Variants in ABCA4 observed in about 807,000 individuals in gnomAD.
ABCA4 encodes ATP binding cassette subfamily A member 4.
Under a neutral mutation model 263.7 loss-of-function variants are expected in ABCA4, and 196 were observed. That is an observed-to-expected ratio of 0.74 (90% confidence interval 0.66 to 0.84). The LOEUF is 0.84. Ranked by LOEUF, ABCA4 falls within the 40% of genes least tolerant of loss-of-function variation. ABCA4 has a pLI of 0.00. For synonymous variants in ABCA4, 1,133 were observed against 1,094.2 expected, an observed-to-expected ratio of 1.04 and a Z score of -0.70; for missense variants, 2,792 against 2,855.1, an observed-to-expected ratio of 0.98 and a Z score of 0.50.
At chr1:94,036,537 T>C (rs906442971) in intron 26 of ABCA4, among the ~76,000 whole-genome samples, 1 of 151,916 alleles carries the variant, frequency 6.6e-6, no homozygotes, top group Non-Finnish European at 1.5e-5. Context: ...CCACCACACC[T>C]AGCTAATTTT....
rs751319688 is a variant in ABCA4 at position 94,023,385 on chromosome 1, C to T, written c.4667+1G>A. The stretch of plus-strand genomic sequence containing the variant: ...TAATTCTGATAAAAATAGTTTCTTA[C>T]CTCTGTTCATTGACCCAGAATTTGC... On this transcript the variant is annotated splice_donor_variant, in intron 32 of 49. Transcript: ENST00000370225. LOFTEE classifies it high-confidence loss of function. 6.2e-7 allele frequency: 1 copy of T among 1,605,556 alleles called. No individual in the cohort carries two copies. The highest frequency in any genetic ancestry group is 8.5e-7 in the Non-Finnish European group (1 of 1,172,520).
At position 94,055,274 on chromosome 1, in the gene ABCA4, G is replaced by C. The variant is rs1660944269; in HGVS notation, c.2424C>G (p.Tyr808Ter). The C allele has an allele frequency of 6.2e-7, 1 of 1,614,146 alleles. No individual in the cohort carries two copies. The change falls in exon 16 of 50, where the codon TAC (tyrosine) becomes TAG (stop). Residue 808 changes from tyrosine to a stop codon, truncating the protein, a stop_gained. Coordinates refer to ENST00000370225, the MANE Select transcript of ABCA4 (RefSeq NM_000350.3). LOFTEE classifies it high-confidence loss of function. ...GGCCTTGCTCTTCAAAGCGAACCAG[G>C]TACTCAGTGCCAAATCCAAATGCCA... is the stretch of plus-strand genomic sequence containing the variant. The part of the protein sequence containing the change: ...SPVAFGFGTE[Y>*]LVRFEEQGLG...
At chr1:93,998,838 A>G (rs1006292460) in intron 47 of ABCA4, among the ~76,000 whole-genome samples, 2 of 151,424 alleles carry the variant, frequency 1.3e-5, no homozygotes, top group African/African-American at 4.9e-5. Context: ...TCCTGGGTTC[A>G]AGCAATTCTC....
intron 6 of ABCA4, among the ~76,000 whole-genome samples, chr1:94,087,620 G>A (rs1661866594): frequency 6.6e-6 from 1 of 152,182 alleles, no homozygotes; most frequent in Admixed American, 6.5e-5. Context: ...TGGGGATGAA[G>A]GAGGGAAACA....
intron 30 of ABCA4, among the ~76,000 whole-genome samples, chr1:94,028,301 C>T (rs898908498): frequency 3.9e-5 from 6 of 152,190 alleles, no homozygotes; most frequent in South Asian, 2.1e-4. Flanking sequence ...CAACCACGGA[C>T]ACAGCCTTCT....
intron 40 of ABCA4, among the ~76,000 whole-genome samples, chr1:94,010,160 C>T (rs1659506703): frequency 6.6e-6 from 1 of 152,206 alleles, no homozygotes; most frequent in African/African-American, 2.4e-5. Flanking sequence ...TGCTGCTTGG[C>T]AATTCAGGCC....
chr1:94,034,331 C>T (rs534592861), intron 26 of ABCA4, among the ~76,000 whole-genome samples: 2 of 152,094 alleles, frequency 1.3e-5, no homozygotes, highest in African/African-American at 2.4e-5. Flanking sequence ...TTCTTCTTCC[C>T]GATGCTAGCC....
At chr1:93,998,973 A>G (rs1342292886) in intron 47 of ABCA4, among the ~76,000 whole-genome samples, 1 of 148,686 alleles carries the variant, frequency 6.7e-6, no homozygotes, top group East Asian at 2.0e-4. Context: ...CTGGTCTTAA[A>G]CTCCTGACCT....
At chr1:94,098,397 T>C (rs151203910) in intron 6 of ABCA4, among the ~76,000 whole-genome samples, 20 of 152,304 alleles carry the variant, frequency 1.3e-4, no homozygotes, top group Non-Finnish European at 2.5e-4. Flanking sequence ...CTGTAAAGTA[T>C]TATATTTGTT....
chr1:94,107,559 G>C (rs1662473460), intron 4 of ABCA4, among the ~76,000 whole-genome samples: 1 of 152,300 alleles, frequency 6.6e-6, no homozygotes, highest in South Asian at 2.1e-4. Flanking sequence ...GGGGAGGAGA[G>C]ACACAGGAGA....
At chr1:94,057,350 C>T (rs943861405) in intron 14 of ABCA4, among the ~76,000 whole-genome samples, 2 of 152,210 alleles carry the variant, frequency 1.3e-5, no homozygotes, top group Middle Eastern at 3.4e-3. Context: ...AGCAAATCCT[C>T]GGTGAGAAGA....
At position 94,051,634 on chromosome 1, in the gene ABCA4, T is replaced by A; in HGVS notation, c.2652A>T (p.Glu884Asp). The A allele has an allele frequency of 6.2e-7, 1 of 1,613,360 alleles. No homozygotes were observed. Among genetic ancestry groups the A allele is most frequent in the Non-Finnish European group, 8.5e-7 (1 of 1,179,284 alleles). Residue 884 changes from glutamate to aspartate, a missense_variant and splice_region_variant, in exon 17 of 50, where the codon GAA (glutamate) becomes GAT (aspartate). By Grantham distance (45) the Glu-to-Asp change is conservative. Coordinates refer to ENST00000370225, the MANE Select transcript of ABCA4 (RefSeq NM_000350.3). ...AGATTTGTGTTTTAAAGGACTCACC[T>A]TCACCGCCAAGCCAATACGACTCTT... ...LLQESYWLGGEGCSTREERAL... is the reference protein window; with the variant it reads ...LLQESYWLGGDGCSTREERAL...
intron 13 of ABCA4, 55 bp downstream of exon 13, chr1:94,062,521 CA>C: frequency 4.4e-6 from 7 of 1,588,562 alleles, no homozygotes; most frequent in Non-Finnish European, 5.2e-6. Context: ...CACCCCAGCC[CA>C]CTCCAGCACC....
chr1:94,008,319 G>C (rs1659454207), intron 41 of ABCA4, 22 bp from the exon 42 acceptor site: 1 of 1,612,088 alleles, frequency 6.2e-7, no homozygotes, highest in Non-Finnish European at 8.5e-7. Context: ...GAAGAAACCG[G>C]ACTGAGAACT....
chr1:94,043,238 T>A, intron 21 of ABCA4, 98 bp downstream of exon 21: 1 of 1,556,684 alleles, frequency 6.4e-7, no homozygotes, highest in Non-Finnish European at 8.8e-7. Context: ...TTCCCACCCT[T>A]AGAAGCTCTC....
chr1:93,993,871 C>T (rs528009594), intron 49 of ABCA4, among the ~76,000 whole-genome samples: 8 of 152,036 alleles, frequency 5.3e-5, no homozygotes, highest in Non-Finnish European at 1.0e-4. Flanking sequence ...AACCAATGCC[C>T]GCTGTGGAGC....
chr1:94,079,116 T>C (rs1168959737), intron 9 of ABCA4, among the ~76,000 whole-genome samples: 1 of 151,934 alleles, frequency 6.6e-6, no homozygotes, highest in African/African-American at 2.4e-5. Flanking sequence ...TAGGCTGCAG[T>C]AGAGAGGGGA....
Position 94,000,919 on chromosome 1 carries a change from T to G in ABCA4, c.6396A>C (p.Glu2132Asp). Reference sequence around the variant, plus strand: ...CCAGCCGGGTACACAGTGCCTCACATTCTTCCATGCTGTGGGGCAGGAGAG... The same window carrying G: ...CCAGCCGGGTACACAGTGCCTCACAGTCTTCCATGCTGTGGGGCAGGAGAG... The part of the protein sequence containing the change: ...AVVLTSHSME[E>D]CEALCTRLAI... Residue 2132 changes from glutamate to aspartate, a missense_variant, in exon 47 of 50, where the codon GAA (glutamate) becomes GAC (aspartate). Coordinates refer to ENST00000370225, the MANE Select transcript of ABCA4 (RefSeq NM_000350.3). 6.2e-7 allele frequency: 1 copy of G among 1,614,184 alleles called. No individual in the cohort carries two copies. The highest frequency in any genetic ancestry group is 8.5e-7 in the Non-Finnish European group (1 of 1,180,026).
At chr1:94,084,423 A>C (rs541232404) in intron 6 of ABCA4, among the ~76,000 whole-genome samples, 1 of 152,306 alleles carries the variant, frequency 6.6e-6, no homozygotes, top group East Asian at 1.9e-4. Flanking sequence ...CATTGGGCTG[A>C]CCTAACTTGC....
Sources: allele counts gnomAD v4.1 joint callset (sites outside exome capture counted in the v4.1 genomes callset), GRCh38; gene constraint gnomAD v4.1.1; transcripts MANE v1.5; gene names NCBI Gene and HGNC (gene_info 2026-07-23, HGNC 2026-07-21).